Variants in JAKMIP3 observed in about 807,000 individuals in gnomAD.
The protein encoded by JAKMIP3 is janus kinase and microtubule-interacting protein 3.
In JAKMIP3, 58 loss-of-function variants were observed where a neutral mutation model predicts 118.5. That is an observed-to-expected ratio of 0.49 (90% CI 0.40 to 0.61). The LOEUF is 0.61. Among genes scored for constraint, JAKMIP3 ranks in the 20% least tolerant of loss-of-function variants. JAKMIP3 has a pLI of 0.00. For synonymous variants in JAKMIP3, 486 were observed against 451.2 expected (o/e 1.08, Z -0.98); for missense variants, 950 against 1,109.0 (o/e 0.86, Z 2.04).
chr10:132,180,624 T>TGTGCGC (rs1554962984), intron 23 of JAKMIP3, among the ~76,000 whole-genome samples: 2 of 18,076 alleles, frequency 1.1e-4, no homozygotes, highest in African/African-American at 5.1e-4. Flanking sequence ...TGCGTGTGTG[T>TGTGCGC]GCGTGTGTGC....
At chr10:132,057,345 C>T (rs547709497) in intron 1 of JAKMIP3, among the ~76,000 whole-genome samples, 1 of 152,328 alleles carries the variant, frequency 6.6e-6, no homozygotes, top group African/African-American at 2.4e-5. Flanking sequence ...GAGCTCCTTG[C>T]ACACCAGGCT....
At chr10:132,045,348 C>G (rs77451169) in intron 1 of JAKMIP3, among the ~76,000 whole-genome samples, 1 of 152,236 alleles carries the variant, frequency 6.6e-6, no homozygotes, top group South Asian at 2.1e-4. Context: ...ATTTTGGGCG[C>G]GTCTCTGTCT....
intron 9 of JAKMIP3, among the ~76,000 whole-genome samples, chr10:132,139,150 ATGAG>A (rs144754729): frequency 0.013 from 1,759 of 135,614 alleles, 54 homozygotes; most frequent in African/African-American, 0.048. Context: ...GTATGTGAGT[ATGAG>A]TGTGTATGTA....
intron 1 of JAKMIP3, among the ~76,000 whole-genome samples, chr10:132,082,365 T>G (rs1219351599): frequency 6.6e-6 from 1 of 152,106 alleles, no homozygotes; most frequent in Non-Finnish European, 1.5e-5. Context: ...TTGTAGTCTT[T>G]TATCCCTCAC....
At chr10:132,170,794 G>A (rs765784894) in intron 23 of JAKMIP3, among the ~76,000 whole-genome samples, 5 of 152,244 alleles carry the variant, frequency 3.3e-5, no homozygotes, top group Non-Finnish European at 5.9e-5. Flanking sequence ...GGGCTGACAA[G>A]CCACAGGCTC....
chr10:132,046,033 A>G (rs2379214), intron 1 of JAKMIP3, among the ~76,000 whole-genome samples: 115,087 of 152,062 alleles, frequency 0.76, 43,942 homozygotes, highest in East Asian at 1. Flanking sequence ...ATAAATTCAC[A>G]CACCTGTGTA....
At chr10:132,150,705 TCTATCCGTCCTCCATAATCC>T (rs2055969170) in intron 16 of JAKMIP3, among the ~76,000 whole-genome samples, 1 of 152,000 alleles carries the variant, frequency 6.6e-6, no homozygotes, top group South Asian at 2.1e-4. Context: ...CCATAATCCA[TCTATCCGTCCTCCATAATCC>T]ATCTATCCGT....
intron 1 of JAKMIP3, among the ~76,000 whole-genome samples, chr10:132,038,778 A>G (rs2037603254): frequency 7.2e-6 from 1 of 139,324 alleles, no homozygotes; most frequent in African/African-American, 2.7e-5. Flanking sequence ...GGGCAACAGA[A>G]TGAGACTGTC....
chr10:132,069,326 C>T (rs985247128), intron 1 of JAKMIP3, among the ~76,000 whole-genome samples: 3 of 152,086 alleles, frequency 2.0e-5, no homozygotes, highest in Admixed American at 1.3e-4. Context: ...GTGTTACACC[C>T]CCAAGGACAC....
At chr10:132,133,256 G>A in intron 3 of JAKMIP3, 56 bp from the exon 4 acceptor site, 1 of 1,421,016 alleles carries the variant, frequency 7.0e-7, no homozygotes. Context: ...CGTTTCTATG[G>A]TAACTGCAGA....
At chr10:132,164,175 G>T (rs914404785) in intron 20 of JAKMIP3, among the ~76,000 whole-genome samples, 12 of 152,222 alleles carry the variant, frequency 7.9e-5, no homozygotes, top group Non-Finnish European at 1.0e-4. Flanking sequence ...AGCCTCCTGG[G>T]CCTCTTTGGT....
At position 132,133,428 on chromosome 10, in the gene JAKMIP3, G is replaced by A; in HGVS notation, c.750G>A (p.Leu250=). The A allele has an allele frequency of 1.9e-6, 3 of 1,592,316 alleles. No homozygotes were observed. The highest frequency in any genetic ancestry group is 2.6e-6 in the Non-Finnish European group (3 of 1,169,848). ...QLQKEALDEQ[L]SQVREADRHP... ...AAAAAGAGGCTCTAGATGAGCAGCT[G>A]TCCCAGGTCCGAGAGGCCGACCGGC... Residue 250 remains leucine, a synonymous_variant, in exon 4 of 24, where the codon CTG becomes CTA. Coordinates refer to ENST00000684848, the MANE Select transcript of JAKMIP3 (RefSeq NM_001323087.2).
At chr10:132,120,673 G>A (rs936695213) in intron 3 of JAKMIP3, among the ~76,000 whole-genome samples, 1 of 152,244 alleles carries the variant, frequency 6.6e-6, no homozygotes, top group African/African-American at 2.4e-5. Flanking sequence ...GGAGCTTCTG[G>A]TGGCATCAGG....
chr10:132,116,947 G>A (rs1307494170), intron 2 of JAKMIP3, 130 bp from the exon 3 acceptor site: 1 of 1,119,180 alleles, frequency 8.9e-7, no homozygotes, highest in African/African-American at 1.6e-5. Context: ...GTGCAACGTG[G>A]AAGCTCCCCT....
chr10:132,111,453 G>A (rs1044355627), intron 2 of JAKMIP3, among the ~76,000 whole-genome samples: 3 of 152,146 alleles, frequency 2.0e-5, no homozygotes, highest in South Asian at 2.1e-4. Context: ...GACCTCGAGC[G>A]CCGGGAAGTC....
chr10:132,179,718 GGCAGGGTCGCACCACA>G lies in JAKMIP3; in HGVS notation c.*1104-2630_*1104-2615del, dbSNP rs1165073999. Among the ~76,000 whole-genome samples the G allele has an allele frequency of 1.3e-5, 2 of 150,324 alleles. No homozygotes were observed. Among genetic ancestry groups the G allele is most frequent in the African/African-American group, 5.0e-5 (2 of 39,944 alleles). On this transcript the variant is annotated intron_variant, in intron 23 of 23. Transcript: ENST00000684848. This position sits in a 1 kb window ranked among gnomAD's most constrained non-coding sequence, Gnocchi z 4.3. ...TCACACCACAGCAGGGCCACACCAC[GGCAGGGTCGCACCACA>G]GCAGGGTCACGCCACGGCAGGGTCA...
chr10:132,083,616 T>C (rs1198347894), intron 1 of JAKMIP3, among the ~76,000 whole-genome samples: 1 of 152,218 alleles, frequency 6.6e-6, no homozygotes, highest in East Asian at 1.9e-4. Context: ...TAAGCCAACG[T>C]CTAGAAGAGT....
Position 132,184,762 on chromosome 10 carries a change from C to T in JAKMIP3, c.*3509C>T, listed in dbSNP as rs2061716824. 3 of 152,118 alleles carry T rather than the reference C, an allele frequency of 2.0e-5. No individual in the cohort carries two copies. Among genetic ancestry groups the T allele is most frequent in the South Asian group, 2.1e-4 (1 of 4,832 alleles). 9.4% of individuals were successfully genotyped at this position (152,118 alleles called of 1,614,324 possible). A position where few individuals can be genotyped will look rare whatever the true frequency, so the allele number is the denominator to read the frequency against. On this transcript the variant is annotated 3_prime_UTR_variant, in exon 24 of 24. Transcript: ENST00000684848. ...GATATATACCAGAGAATTTTTTACT[C>T]GTTTGTAAATTATTGTACAGTTTTA...
intron 1 of JAKMIP3, among the ~76,000 whole-genome samples, chr10:132,081,869 G>A (rs924552863): frequency 6.6e-6 from 1 of 151,964 alleles, no homozygotes; most frequent in Non-Finnish European, 1.5e-5. Context: ...TCATTGATTT[G>A]GGTCTTTTTA....
Sources: allele counts gnomAD v4.1 joint callset (sites outside exome capture counted in the v4.1 genomes callset), GRCh38; gene constraint gnomAD v4.1.1; non-coding constraint Gnocchi (gnomAD v3.1); transcripts MANE v1.5; gene names NCBI Gene and HGNC (gene_info 2026-07-23, HGNC 2026-07-21).